Variants in MTMR2 observed in about 807,000 individuals in gnomAD.
MTMR2 encodes the protein phosphatidylinositol-3,5-bisphosphate 3-phosphatase MTMR2.
In MTMR2, 55 loss-of-function variants were observed where a neutral mutation model predicts 86.9. The ratio of observed to expected loss-of-function variants is 0.63; its 90% CI spans 0.51 to 0.79. MTMR2 has a LOEUF of 0.79. Ranked by LOEUF, MTMR2 falls within the 30% of genes least tolerant of loss-of-function variation. The probability of loss-of-function intolerance (pLI) is 0.00; values close to 1 mark genes in which losing one functional copy is unlikely to be tolerated. For synonymous variants in MTMR2, 241 were observed against 266.8 expected, an observed-to-expected ratio of 0.90 and a Z score of 0.94; for missense variants, 659 against 772.3, an observed-to-expected ratio of 0.85 and a Z score of 1.74.
intron 7 of MTMR2, among the ~76,000 whole-genome samples, chr11:95,851,793 G>T (rs1358377249): frequency 2.0e-5 from 3 of 152,218 alleles, no homozygotes; most frequent in African/African-American, 7.2e-5. Context: ...ACTAATGGAT[G>T]TTGCTAATCT....
At chr11:95,923,587 T>G (rs2135657915) in intron 1 of MTMR2, 4 of 1,086,468 alleles carry the variant, frequency 3.7e-6, no homozygotes, top group South Asian at 4.1e-5. Context: ...TGAGAGGGAA[T>G]GAAAGACAGG....
intron 12 of MTMR2, among the ~76,000 whole-genome samples, chr11:95,839,287 C>G (rs1863432620): frequency 6.6e-6 from 1 of 151,726 alleles, no homozygotes; most frequent in Non-Finnish European, 1.5e-5. Flanking sequence ...CAAGCATTTC[C>G]ACAACAAAAC....
intron 5 of MTMR2, among the ~76,000 whole-genome samples, chr11:95,860,909 G>A (rs1864393647): frequency 6.6e-6 from 1 of 152,104 alleles, no homozygotes; most frequent in South Asian, 2.1e-4. Context: ...TGTAATCCCA[G>A]CACTTTGAGA....
At chr11:95,886,583 T>G (rs184274054) in intron 2 of MTMR2, among the ~76,000 whole-genome samples, 1 of 152,280 alleles carries the variant, frequency 6.6e-6, no homozygotes, top group Admixed American at 6.5e-5. Context: ...TTAAGTAGTT[T>G]AAACTAATAC....
intron 2 of MTMR2, among the ~76,000 whole-genome samples, chr11:95,885,713 G>A (rs548961501): frequency 4.5e-4 from 69 of 151,868 alleles, no homozygotes; most frequent in African/African-American, 1.5e-3. Context: ...AGGAGGTAGA[G>A]TATAACCCCC....
intron 2 of MTMR2, among the ~76,000 whole-genome samples, chr11:95,867,934 T>C (rs1259930318): frequency 6.6e-6 from 1 of 151,970 alleles, no homozygotes; most frequent in East Asian, 1.9e-4. Flanking sequence ...ATAAGGTACT[T>C]GGCACACTCA....
At chr11:95,920,667 TCATCA>T (rs1043485598) in intron 1 of MTMR2, among the ~76,000 whole-genome samples, 5 of 150,742 alleles carry the variant, frequency 3.3e-5, no homozygotes, top group African/African-American at 1.2e-4. Flanking sequence ...TTAGTAAGAC[TCATCA>T]CATGTTTATT....
chr11:95,902,999 G>C (rs1191139382), intron 1 of MTMR2, among the ~76,000 whole-genome samples: 1 of 152,124 alleles, frequency 6.6e-6, no homozygotes, highest in Non-Finnish European at 1.5e-5. Context: ...ATTCTTTCCA[G>C]TGCTGCCAAC....
chr11:95,896,934 G>A (rs570525853), intron 1 of MTMR2, among the ~76,000 whole-genome samples: 35 of 151,698 alleles, frequency 2.3e-4, no homozygotes, highest in African/African-American at 7.7e-4. Context: ...GTGGGAACTG[G>A]TTTTTGACTA....
chr11:95,837,220 A>C (rs1038848781), intron 13 of MTMR2, among the ~76,000 whole-genome samples: 1 of 152,036 alleles, frequency 6.6e-6, no homozygotes, highest in African/African-American at 2.4e-5. Flanking sequence ...GAAATACTAC[A>C]TAGCAGTTCT....
Position 95,847,732 on chromosome 11 carries a change from A to G in MTMR2, c.1161T>C (p.His387=), listed in dbSNP as rs1863852174. The change falls in exon 10 of 15, where the codon CAT becomes CAC. Residue 387 remains histidine, a synonymous_variant. Transcript: ENST00000346299. ...CACCCACCTTAATATGTTCTAGCCA[A>G]TGAGTAGATTCCAAGTTAGACAACC... The part of the protein sequence containing the change: ...THWLSNLEST[H]WLEHIKLILA... The G allele has an allele frequency of 6.2e-7, 1 of 1,613,014 alleles. No homozygotes were observed. Among genetic ancestry groups the G allele is most frequent in the South Asian group, 1.1e-5 (1 of 91,070 alleles).
intron 1 of MTMR2, among the ~76,000 whole-genome samples, chr11:95,923,078 CA>C (rs1211960140): frequency 1.3e-5 from 2 of 152,018 alleles, no homozygotes; most frequent in Non-Finnish European, 2.9e-5. Flanking sequence ...AGACTGCATC[CA>C]AAACGCGTCT....
chr11:95,921,225 T>G (rs1167861581), intron 1 of MTMR2, among the ~76,000 whole-genome samples: 2 of 152,246 alleles, frequency 1.3e-5, no homozygotes, highest in African/African-American at 4.8e-5. Flanking sequence ...AAATTTATGT[T>G]AATGCATGTG....
intron 5 of MTMR2, among the ~76,000 whole-genome samples, chr11:95,859,817 T>C (rs1864342620): frequency 6.6e-6 from 1 of 152,230 alleles, no homozygotes; most frequent in Non-Finnish European, 1.5e-5. Flanking sequence ...GTACCCACAA[T>C]ACATAAGTAA....
chr11:95,835,084 C>T lies in MTMR2; in HGVS notation c.*206G>A, dbSNP rs1179969013. 5.2e-6 allele frequency: 3 copies of T among 576,878 alleles called. No individual in the cohort carries two copies. Among genetic ancestry groups the T allele is most frequent in the African/African-American group, 3.8e-5 (2 of 53,308 alleles). The allele number at this position is 576,878 out of a possible 1,614,324, so 35.7% of individuals were successfully genotyped here. A position where few individuals can be genotyped will look rare whatever the true frequency, so the allele number is the denominator to read the frequency against. ...CTTTGGATACTTAAAAGATTAGTAT[C>T]ATAATCATGTAATTACATATGGAGT... is the stretch of plus-strand genomic sequence containing the variant. On this transcript the variant is annotated 3_prime_UTR_variant, in exon 15 of 15. Transcript: ENST00000346299.
At chr11:95,890,037 A>G (rs1440030402) in intron 1 of MTMR2, among the ~76,000 whole-genome samples, 1 of 152,202 alleles carries the variant, frequency 6.6e-6, no homozygotes, top group Non-Finnish European at 1.5e-5. Flanking sequence ...AAACCTGCCT[A>G]TAACAAGAAT....
intron 7 of MTMR2, among the ~76,000 whole-genome samples, chr11:95,854,017 C>T (rs1864118672): frequency 6.6e-6 from 1 of 152,094 alleles, no homozygotes; most frequent in South Asian, 2.1e-4. Context: ...AACCACTGTT[C>T]TCATGGGGAA....
rs1342231270 is a variant in MTMR2, at chr11:95,853,726, A to G, written c.655-2977T>C. Among the ~76,000 whole-genome samples, 5 of 152,162 alleles carry G rather than the reference A, an allele frequency of 3.3e-5. No individual in the cohort carries two copies. The East Asian group carries it at 9.6e-4, about 29-fold the overall frequency. ...GAACACAAACTCTTTGGGAACCTGG[A>G]CTTTATCATTTTGTTTCATATTTTA... On this transcript the variant is annotated intron_variant, in intron 7 of 14. Transcript: ENST00000346299.
chr11:95,896,820 G>C (rs1335573642), intron 1 of MTMR2, among the ~76,000 whole-genome samples: 1 of 150,770 alleles, frequency 6.6e-6, no homozygotes, highest in Non-Finnish European at 1.5e-5. Context: ...CATATATCAT[G>C]TCCCATTCCC....
Sources: allele counts gnomAD v4.1 joint callset (sites outside exome capture counted in the v4.1 genomes callset), GRCh38; gene constraint gnomAD v4.1.1; transcripts MANE v1.5; gene names NCBI Gene and HGNC (gene_info 2026-07-23, HGNC 2026-07-21).